Variants in PITPNC1 observed in about 807,000 individuals in gnomAD.
PITPNC1 encodes the protein phosphatidylinositol transfer protein cytoplasmic 1.
PITPNC1 carries 18 observed loss-of-function variants against 44.7 expected under a neutral mutation model. The ratio of observed to expected loss-of-function variants is 0.40; its 90% CI spans 0.28 to 0.60. The LOEUF is 0.60. PITPNC1 is among the 20% of genes least tolerant of loss of function. PITPNC1 has a pLI of 0.39. For synonymous variants in PITPNC1, 141 were observed against 149.6 expected, an observed-to-expected ratio of 0.94 and a Z score of 0.42; for missense variants, 290 against 418.4, an observed-to-expected ratio of 0.69 and a Z score of 2.68.
intron 8 of PITPNC1, among the ~76,000 whole-genome samples, chr17:67,678,410 A>T (rs2042642798): frequency 6.6e-6 from 1 of 152,212 alleles, no homozygotes; most frequent in Non-Finnish European, 1.5e-5. Flanking sequence ...ATCTGAGCAC[A>T]AAACAACACT....
rs147056414 is a variant in PITPNC1 at position 67,620,436 on chromosome 17, A to G, written c.367-11707A>G. Among the ~76,000 whole-genome samples the G allele has an allele frequency of 1.7e-3, 258 of 152,248 alleles. 1 individual carries two copies. The highest frequency in any genetic ancestry group is 0.011 in the East Asian group (55 of 5,174). ...AAGGACACAGGACAGTGTGAGGAAAACAGAAGGGCACAGCAAGCCAGTCTC... is the reference window on the plus strand; with the variant it reads ...AAGGACACAGGACAGTGTGAGGAAAGCAGAAGGGCACAGCAAGCCAGTCTC... On this transcript the variant is annotated intron_variant, in intron 5 of 8. Coordinates refer to ENST00000581322, the MANE Select transcript of PITPNC1 (RefSeq NM_012417.4).
Position 67,597,378 on chromosome 17 carries a change from AC to A in PITPNC1, c.366+19125del, listed in dbSNP as rs1253294119. On this transcript the variant is annotated intron_variant, in intron 5 of 8. Transcript: ENST00000581322. This position sits in a 1 kb window ranked among gnomAD's most constrained non-coding sequence, Gnocchi z 4.0. ...AGACCAGCCTGGCCAACATGGCAAA[AC>A]CCCATCTCCACTAAAAATACAAAAA... Among the ~76,000 whole-genome samples the A allele has an allele frequency of 2.0e-5, 3 of 151,904 alleles. No homozygotes were observed. Among genetic ancestry groups the A allele is most frequent in the Admixed American group, 6.6e-5 (1 of 15,234 alleles).
chr17:67,654,170 A>G (rs2042238712), intron 6 of PITPNC1, among the ~76,000 whole-genome samples: 1 of 152,150 alleles, frequency 6.6e-6, no homozygotes, highest in African/African-American at 2.4e-5. Flanking sequence ...AGCACTGAAG[A>G]CTGTCGGTTC....
intron 1 of PITPNC1, among the ~76,000 whole-genome samples, chr17:67,391,328 G>A (rs2143800472): frequency 6.6e-6 from 1 of 151,970 alleles, no homozygotes; most frequent in East Asian, 1.9e-4. Context: ...TCCAAAGACT[G>A]TTCCCCCGCC....
chr17:67,557,639 G>A (rs1384002626), intron 4 of PITPNC1, among the ~76,000 whole-genome samples: 2 of 152,164 alleles, frequency 1.3e-5, no homozygotes, highest in African/African-American at 2.4e-5. Context: ...CCCACAGTGT[G>A]CGGTTTGAAG....
intron 1 of PITPNC1, chr17:67,379,054 A>G: frequency 1.0e-6 from 1 of 985,840 alleles, no homozygotes; most frequent in Non-Finnish European, 1.2e-6. Context: ...AGATAGGATT[A>G]TTCCGGCCCC....
At chr17:67,633,890 A>T (rs182195270) in intron 6 of PITPNC1, among the ~76,000 whole-genome samples, 44 of 152,312 alleles carry the variant, frequency 2.9e-4, no homozygotes, top group African/African-American at 9.4e-4. Context: ...CTCTGAACTA[A>T]TTTCAGCTTT....
chr17:67,378,312 C>A, intron 1 of PITPNC1, 110 bp downstream of exon 1: 1 of 618,798 alleles, frequency 1.6e-6, no homozygotes, highest in Non-Finnish European at 2.6e-6. Flanking sequence ...GTGGACGTTA[C>A]CCCGCAAACC....
chr17:67,385,717 A>C (rs1259269341), intron 1 of PITPNC1, among the ~76,000 whole-genome samples: 1 of 149,972 alleles, frequency 6.7e-6, no homozygotes, highest in Non-Finnish European at 1.5e-5. Context: ...GGGACAGTGG[A>C]GGTTTGGCTA....
intron 1 of PITPNC1, among the ~76,000 whole-genome samples, chr17:67,512,500 CAAAAA>C (rs1006177232): frequency 1.3e-4 from 8 of 59,690 alleles, no homozygotes; most frequent in African/African-American, 4.6e-4. Context: ...GACTGTGTCT[CAAAAA>C]AAAAAAAAAA....
intron 1 of PITPNC1, among the ~76,000 whole-genome samples, chr17:67,460,715 C>CTTTCTTT (rs1350579725): frequency 6.7e-6 from 1 of 148,938 alleles, no homozygotes; most frequent in East Asian, 2.0e-4. Context: ...GTGCCCGGCC[C>CTTTCTTT]TTTCTTTTTT....
chr17:67,426,180 C>T (rs2038762239), intron 1 of PITPNC1, among the ~76,000 whole-genome samples: 12 of 152,126 alleles, frequency 7.9e-5, no homozygotes, highest in Admixed American at 7.2e-4. Context: ...TTCGTTCCAC[C>T]ATTGTGGAAG....
At chr17:67,581,295 T>C (rs2041230859) in intron 5 of PITPNC1, among the ~76,000 whole-genome samples, 1 of 152,248 alleles carries the variant, frequency 6.6e-6, no homozygotes. Flanking sequence ...CAGGCCCCTT[T>C]GAGACTTAGG....
chr17:67,585,604 A>G (rs907657075), intron 5 of PITPNC1, among the ~76,000 whole-genome samples: 1 of 152,068 alleles, frequency 6.6e-6, no homozygotes, highest in African/African-American at 2.4e-5. Flanking sequence ...AGAGTTCAAG[A>G]CCAGCCTGAG....
intron 5 of PITPNC1, among the ~76,000 whole-genome samples, chr17:67,621,057 T>C (rs1291381787): frequency 1.3e-5 from 2 of 152,044 alleles, no homozygotes; most frequent in African/African-American, 4.8e-5. Context: ...ACGACACCAA[T>C]TGGCCAGTCT....
intron 8 of PITPNC1, among the ~76,000 whole-genome samples, chr17:67,685,492 A>G (rs1418962647): frequency 6.6e-6 from 1 of 152,244 alleles, no homozygotes; most frequent in Admixed American, 6.5e-5. Context: ...ATTGATATAA[A>G]AAGACACCAA....
At chr17:67,527,535 T>C (rs1041813039) in intron 1 of PITPNC1, among the ~76,000 whole-genome samples, 12 of 151,660 alleles carry the variant, frequency 7.9e-5, no homozygotes, top group African/African-American at 2.9e-4. Flanking sequence ...AAACCCCGTC[T>C]CTACTAAAAA....
intron 5 of PITPNC1, among the ~76,000 whole-genome samples, chr17:67,591,755 G>GCA (rs1225648317): frequency 6.6e-6 from 1 of 152,048 alleles, no homozygotes; most frequent in Non-Finnish European, 1.5e-5. Context: ...TGTCACCCAG[G>GCA]CTGGAGTGCA....
intron 6 of PITPNC1, among the ~76,000 whole-genome samples, chr17:67,668,705 C>CA (rs2042461947): frequency 6.6e-6 from 1 of 151,852 alleles, no homozygotes; most frequent in Non-Finnish European, 1.5e-5. Context: ...CTACTAAAAA[C>CA]AAAAAAATTA....
Sources: gnomAD v4.1 joint callset for allele counts (sites outside exome capture counted in the v4.1 genomes callset) on GRCh38, gnomAD v4.1.1 for gene constraint, Gnocchi (gnomAD v3.1) non-coding constraint, MANE v1.5 for transcripts, NCBI Gene and HGNC (gene_info 2026-07-23, HGNC 2026-07-21) for gene names.